Variants in CLDN16 observed in about 807,000 individuals in gnomAD.
CLDN16 encodes the protein claudin-16.
In CLDN16, 13 loss-of-function variants were observed where a neutral mutation model predicts 24.6. The ratio of observed to expected loss-of-function variants is 0.53; its 90% CI spans 0.34 to 0.84. CLDN16 has a LOEUF of 0.84. Ranked by LOEUF, CLDN16 falls within the 40% of genes least tolerant of loss-of-function variation. The pLI is 0.01. For synonymous variants in CLDN16, 116 were observed against 106.7 expected (o/e 1.09, Z -0.54); for missense variants, 298 against 292.7 (o/e 1.02, Z -0.13).
chr3:190,386,985 A>G (rs2108657199), upstream of CLDN16, among the ~76,000 whole-genome samples: 2 of 152,296 alleles, frequency 1.3e-5, no homozygotes, highest in Non-Finnish European at 2.9e-5. Flanking sequence ...GCTGTTGGTA[A>G]AATAAGAATC....
chr3:190,380,244 T>C (rs201536893), intron 3 of CLDN16, among the ~76,000 whole-genome samples: 98 of 116,240 alleles, frequency 8.4e-4, no homozygotes, highest in South Asian at 1.8e-3. Context: ...TTCCCTCCCT[T>C]CCTTCCTTCC....
At position 190,331,607 on chromosome 3, in the gene CLDN16, C is replaced by T. The variant is rs189012120; in HGVS notation, n.121+8946C>T. ...AGATATAGAGCATTCTGCCACCTCA[C>T]GTACTTATGTTGTTCATCACTACTA... is the stretch of plus-strand genomic sequence containing the variant. On this transcript the variant is annotated intron_variant and non_coding_transcript_variant, in intron 1 of 4. Transcript: ENST00000468220. Among the ~76,000 whole-genome samples, 369 of 152,262 alleles carry T rather than the reference C, an allele frequency of 2.4e-3. 1 individual carries two copies. The highest frequency in any genetic ancestry group is 8.5e-3 in the African/African-American group (353 of 41,552).
intron 1 of CLDN16, among the ~76,000 whole-genome samples, chr3:190,324,977 A>T (rs1202372446): frequency 6.6e-6 from 1 of 152,168 alleles, no homozygotes; most frequent in African/African-American, 2.4e-5. Context: ...TTGAGTAGTA[A>T]AATCTGCTAT....
the CLDN16 span, among the ~76,000 whole-genome samples, chr3:190,304,130 T>G: frequency 6.6e-6 from 1 of 152,132 alleles, no homozygotes; most frequent in Non-Finnish European, 1.5e-5. Context: ...TTGATTTGGG[T>G]GAGGCCTTAG....
rs542267980 is a variant in CLDN16 at position 190,379,937 on chromosome 3, T to C, written n.306+5334T>C. ...TTTGTGGAAACATGTATTTCAACAT[T>C]GTAGACCTAGATTGATCTATCTATG... On this transcript the variant is annotated intron_variant and non_coding_transcript_variant, in intron 3 of 4. Coordinates refer to the CLDN16 transcript ENST00000468220. Among the ~76,000 whole-genome samples, 6 of 151,836 alleles carry C rather than the reference T, an allele frequency of 4.0e-5. No homozygotes were observed. The East Asian group carries it at 1.2e-3, about 29-fold the overall frequency.
At chr3:190,400,123 C>G (rs1718926785) in intron 1 of CLDN16, among the ~76,000 whole-genome samples, 1 of 152,142 alleles carries the variant, frequency 6.6e-6, no homozygotes, top group Non-Finnish European at 1.5e-5. Context: ...AACACTGGAA[C>G]TTATTCCTCT....
intron 1 of CLDN16, among the ~76,000 whole-genome samples, chr3:190,345,568 G>A (rs1717533312): frequency 6.6e-6 from 1 of 152,030 alleles, no homozygotes; most frequent in Non-Finnish European, 1.5e-5. Context: ...ATTTTTTACA[G>A]GCCTAGCTCC....
At chr3:190,334,202 G>T (rs549248799) in intron 1 of CLDN16, among the ~76,000 whole-genome samples, 15 of 152,298 alleles carry the variant, frequency 9.8e-5, no homozygotes, top group Admixed American at 9.8e-4. Context: ...ATTGTTGTTA[G>T]GATAAAACTA....
intron 1 of CLDN16, among the ~76,000 whole-genome samples, chr3:190,393,296 A>G (rs1192395915): frequency 6.6e-6 from 1 of 152,168 alleles, no homozygotes; most frequent in Non-Finnish European, 1.5e-5. Context: ...TGCTTAGCTT[A>G]TTATACAATA....
chr3:190,319,768 A>G (rs1237792509), upstream of CLDN16, among the ~76,000 whole-genome samples: 1 of 152,178 alleles, frequency 6.6e-6, no homozygotes, highest in African/African-American at 2.4e-5. Flanking sequence ...TCATCTCTAC[A>G]TGTAACAAAA....
rs1308823879 is a variant in CLDN16 at position 190,389,967 on chromosome 3, G to C, written c.114+1524G>C. Among the ~76,000 whole-genome samples, 3 of 152,170 alleles carry C rather than the reference G, an allele frequency of 2.0e-5. No homozygotes were observed. In the East Asian group the frequency reaches 5.8e-4, roughly 29 times the overall value. ...GCTGACATAATTGCTAACTTCATTT[G>C]ATAAGAAATAGTTTTAGAAAGGGTC... On this transcript the variant is annotated intron_variant, in intron 1 of 4. Coordinates refer to ENST00000264734, the MANE Select transcript of CLDN16 (RefSeq NM_006580.4).
chr3:190,301,500 AAAG>A, the CLDN16 span, among the ~76,000 whole-genome samples: 14 of 146,526 alleles, frequency 9.6e-5, no homozygotes, highest in Middle Eastern at 6.9e-3. Flanking sequence ...TCTCAAAAAA[AAAG>A]AAGAAGAAGA....
upstream of CLDN16, chr3:190,321,858 A>G (rs1006090323): frequency 4.0e-5 from 30 of 746,400 alleles, no homozygotes; most frequent in Non-Finnish European, 5.9e-5. Flanking sequence ...GACAGAGCAC[A>G]TGATCAGAAG....
At chr3:190,337,762 T>C (rs77294125) in intron 1 of CLDN16, among the ~76,000 whole-genome samples, 10,719 of 152,258 alleles carry the variant, frequency 0.07, 561 homozygotes, top group African/African-American at 0.14. Context: ...GTAGTATTTC[T>C]GTCAGCATTA....
intron 1 of CLDN16, among the ~76,000 whole-genome samples, chr3:190,348,255 AAAAAAAAAAAAAAAAAGAATAAATC>A (rs747208027): frequency 3.2e-5 from 1 of 31,028 alleles, no homozygotes; most frequent in Non-Finnish European, 5.6e-5. Flanking sequence ...CTCCGTCTCA[AAAAAAAAAAAAAAAAAGAATAAATC>A]AAAAAAAAAA....
the CLDN16 span, among the ~76,000 whole-genome samples, chr3:190,300,079 T>C: frequency 6.6e-6 from 1 of 152,252 alleles, no homozygotes; most frequent in Non-Finnish European, 1.5e-5. Context: ...CTCTATTGGC[T>C]AATTCTCTGT....
chr3:190,344,843 A>T (rs1717518452), intron 1 of CLDN16, among the ~76,000 whole-genome samples: 1 of 152,100 alleles, frequency 6.6e-6, no homozygotes, highest in Admixed American at 6.6e-5. Flanking sequence ...TTTGGTTGGG[A>T]TTTAGGGACA....
the CLDN16 span, among the ~76,000 whole-genome samples, chr3:190,296,841 C>A: frequency 6.6e-6 from 1 of 152,104 alleles, no homozygotes; most frequent in Non-Finnish European, 1.5e-5. Context: ...TGAGCCACCG[C>A]GCCCGGCCCA....
At chr3:190,357,093 A>C (rs1045020469) in intron 1 of CLDN16, among the ~76,000 whole-genome samples, 23 of 151,944 alleles carry the variant, frequency 1.5e-4, no homozygotes, top group African/African-American at 5.3e-4. Context: ...AGGTACTCAA[A>C]TTAATCACAG....
Sources: allele counts gnomAD v4.1 joint callset (sites outside exome capture counted in the v4.1 genomes callset), GRCh38; gene constraint gnomAD v4.1.1; transcripts MANE v1.5; gene names NCBI Gene and HGNC (gene_info 2026-07-23, HGNC 2026-07-21).